Variants in JAG1 observed in about 807,000 individuals in gnomAD.
JAG1 encodes the protein jagged canonical Notch ligand 1.
Under a neutral mutation model 148.7 loss-of-function variants are expected in JAG1, and 23 were observed. That is an observed-to-expected ratio of 0.15 (90% confidence interval 0.11 to 0.22). JAG1 has a LOEUF of 0.22. Ranked by LOEUF, JAG1 falls within the 10% of genes least tolerant of loss-of-function variation. The pLI, the probability that JAG1 is intolerant of heterozygous loss-of-function variation, is 1.00. For synonymous variants in JAG1, 572 were observed against 598.3 expected (o/e 0.96, Z 0.64); for missense variants, 1,054 against 1,611.2 (o/e 0.65, Z 5.92).
chr20:10,646,847 AACAC>A, intron 14 of JAG1, 88 bp downstream of exon 14: 2 of 1,293,330 alleles, frequency 1.5e-6, no homozygotes, highest in Non-Finnish European at 2.2e-6. Context: ...AAAAACTTTC[AACAC>A]CAATGATCCC....
In JAG1 at chr20:10,672,832, C is replaced by A; in HGVS notation, c.256G>T (p.Val86Phe). 8.1e-6 allele frequency: 13 copies of A among 1,613,280 alleles called. No individual in the cohort carries two copies. Among genetic ancestry groups the A allele is most frequent in the Non-Finnish European group, 1.1e-5 (13 of 1,180,034 alleles). The change falls in exon 2 of 26, where the codon GTC becomes TTC. Residue 86 changes from valine to phenylalanine, a missense_variant. Val to Phe is a conservative substitution (Grantham distance 50, BLOSUM62 -1). Transcript: ENST00000254958. ...AAGCTGCAGGGCCCCCCGGCCGTGA[C>A]GCGGGACTGATACTCCTTGAGGCAC... is the stretch of plus-strand genomic sequence containing the variant. ...KVCLKEYQSR[V>F]TAGGPCSFGS...
intron 2 of JAG1, among the ~76,000 whole-genome samples, chr20:10,671,323 G>C (rs1446661147): frequency 3.9e-5 from 6 of 152,150 alleles, no homozygotes; most frequent in Non-Finnish European, 7.4e-5. Flanking sequence ...ACAGCCCTTG[G>C]ACCTCAAGAG....
chr20:10,646,420 T>G, intron 14 of JAG1: 1 of 384,058 alleles, frequency 2.6e-6, no homozygotes, highest in Non-Finnish European at 5.0e-6. Flanking sequence ...CAGAGTGATC[T>G]GGTAAATTGA....
chr20:10,666,683 T>C (rs1413209845), intron 2 of JAG1, among the ~76,000 whole-genome samples: 1 of 152,216 alleles, frequency 6.6e-6, no homozygotes, highest in Non-Finnish European at 1.5e-5. Context: ...AACAGATCTT[T>C]AGTCTGGATT....
intron 3 of JAG1, among the ~76,000 whole-genome samples, chr20:10,660,703 G>C (rs1168114442): frequency 6.6e-6 from 1 of 152,184 alleles, no homozygotes; most frequent in Non-Finnish European, 1.5e-5. Flanking sequence ...GCTCAGGGAG[G>C]GGGTCGAGCA....
At chr20:10,670,830 A>G (rs2067490092) in intron 2 of JAG1, among the ~76,000 whole-genome samples, 1 of 152,212 alleles carries the variant, frequency 6.6e-6, no homozygotes. Flanking sequence ...CTGAAACCAC[A>G]GAAGAGCACC....
intron 2 of JAG1, among the ~76,000 whole-genome samples, chr20:10,665,083 C>A (rs2122633845): frequency 6.6e-6 from 1 of 152,266 alleles, no homozygotes; most frequent in Non-Finnish European, 1.5e-5. Flanking sequence ...TGTCAGAAAC[C>A]AAGCCATAGG....
intron 5 of JAG1, among the ~76,000 whole-genome samples, chr20:10,654,713 G>T (rs1297497627): frequency 6.6e-6 from 1 of 152,170 alleles, no homozygotes; most frequent in Non-Finnish European, 1.5e-5. Context: ...AATGATGTGT[G>T]GGAAAGTCGC....
chr20:10,647,151 C>T (rs761932722), intron 13 of JAG1, 48 bp from the exon 14 acceptor site: 24 of 1,609,830 alleles, frequency 1.5e-5, no homozygotes, highest in Middle Eastern at 1.7e-4. Context: ...CCCACAGATG[C>T]GGCATTCCTA....
intron 2 of JAG1, among the ~76,000 whole-genome samples, chr20:10,670,523 T>A (rs921358113): frequency 3.3e-5 from 5 of 152,190 alleles, no homozygotes; most frequent in Non-Finnish European, 5.9e-5. Flanking sequence ...GCTCAGCTAC[T>A]TAAGTGTTTC....
rs113194138 is a variant in JAG1, at chr20:10,646,315, A to C, written c.1886-231T>G. On this transcript the variant is annotated intron_variant, in intron 14 of 25. Transcript: ENST00000254958. ...ACATGGGCATTTAGTCACCGGTACT[A>C]GGTGAAAGTGGGGAAGAAACTCCTA... The C allele has an allele frequency of 0.023, 12,112 of 531,186 alleles. 304 individuals are homozygous for C. Among genetic ancestry groups the C allele is most frequent in the Admixed American group, 0.097 (3,162 of 32,436 alleles). The allele number at this position is 531,186 out of a possible 1,614,324, so 32.9% of individuals were successfully genotyped here.
At chr20:10,664,205 C>T (rs2067436393) in intron 2 of JAG1, among the ~76,000 whole-genome samples, 191 bp from the exon 3 acceptor site, 1 of 152,168 alleles carries the variant, frequency 6.6e-6, no homozygotes, top group Non-Finnish European at 1.5e-5. Flanking sequence ...CAGCACTCTT[C>T]CCAGGTTGAC....
intron 11 of JAG1, 154 bp from the exon 12 acceptor site, chr20:10,648,876 ATG>A (rs1568796453): frequency 6.6e-6 from 6 of 911,260 alleles, no homozygotes. Context: ...AGGAATTTCT[ATG>A]TGCATGCCTT....
Position 10,649,535 on chromosome 20 carries a change from C to T in JAG1, c.1335G>A (p.Gln445=), listed in dbSNP as rs759545669. ...YCDCLPGWMG[Q]NCDININDCL... is the part of the protein sequence containing the mutation. ...AAAGTCACTCACTTATGTCACAATTCTGACCCATCCAGCCGGGAAGACAGT... is the reference window on the plus strand; with the variant it reads ...AAAGTCACTCACTTATGTCACAATTTTGACCCATCCAGCCGGGAAGACAGT... The change falls in exon 10 of 26, where the codon CAG becomes CAA. Residue 445 remains glutamine, a synonymous_variant. Transcript: ENST00000254958. 1.1e-5 allele frequency: 18 copies of T among 1,606,652 alleles called. No homozygotes were observed. In the African/African-American group the frequency reaches 1.5e-4, roughly 13 times the overall value.
Position 10,673,269 on chromosome 20 carries a change from A to G in JAG1, c.81+181T>C, listed in dbSNP as rs2067511238. On this transcript the variant is annotated intron_variant, in intron 1 of 25. Coordinates refer to ENST00000254958, the MANE Select transcript of JAG1 (RefSeq NM_000214.3). This position sits in a 1 kb window ranked among gnomAD's most constrained non-coding sequence, Gnocchi z 4.7. ...TGTCCGGCCTGGAGGGGTCACCCTC[A>G]GGAGGCAGGGGCTCCCGTGGGGGAG... Among the ~76,000 whole-genome samples the G allele has an allele frequency of 1.3e-5, 2 of 151,820 alleles. No individual in the cohort carries two copies. Among genetic ancestry groups the G allele is most frequent in the Admixed American group, 1.3e-4 (2 of 15,270 alleles).
chr20:10,639,259 T>G lies in JAG1; in HGVS notation c.*239A>C. ...GAGCCTGATCCGAGACCGTGTCGGCTGCAAGGGGACACACAACCAGGGTAC... is the reference window on the plus strand; with the variant it reads ...GAGCCTGATCCGAGACCGTGTCGGCGGCAAGGGGACACACAACCAGGGTAC... On this transcript the variant is annotated 3_prime_UTR_variant, in exon 26 of 26. Transcript: ENST00000254958. 1.8e-6 allele frequency: 1 copy of G among 564,270 alleles called. No homozygotes were observed. Among genetic ancestry groups the G allele is most frequent in the Non-Finnish European group, 3.2e-6 (1 of 308,034 alleles). 35.0% of individuals were successfully genotyped at this position (564,270 alleles called of 1,614,324 possible).
intron 13 of JAG1, 115 bp downstream of exon 13, chr20:10,647,845 T>C (rs1192121749): frequency 8.8e-6 from 10 of 1,130,958 alleles, no homozygotes; most frequent in South Asian, 6.5e-5. Flanking sequence ...CATTTCACTA[T>C]AGAGGTCCTC....
chr20:10,664,002 A>G lies in JAG1; in HGVS notation c.400T>C (p.Leu134=), dbSNP rs140511204. The change falls in exon 3 of 26, where the codon TTG becomes CTG. Residue 134 remains leucine (L), a synonymous_variant. Transcript: ENST00000254958. ...CTGGAATCCCACGCCTCCACAAGCA[A>G]CGTATAGGACCTCTGCAAGACAAAC... is the stretch of plus-strand genomic sequence containing the variant. The part of the protein sequence containing the change: ...FSFAWPRSYT[L]LVEAWDSSND... The G allele has an allele frequency of 7.4e-5, 120 of 1,613,714 alleles. 1 individual carries two copies. Among genetic ancestry groups the G allele is most frequent in the Non-Finnish European group, 9.1e-5 (107 of 1,179,706 alleles).
At chr20:10,647,280 T>G (rs1319403253) in intron 13 of JAG1, 177 bp from the exon 14 acceptor site, 2 of 693,278 alleles carry the variant, frequency 2.9e-6, no homozygotes, top group East Asian at 2.7e-5. Context: ...ACAGGCAAAG[T>G]TGAGACTCCA....
Sources: gnomAD v4.1 joint callset for allele counts (sites outside exome capture counted in the v4.1 genomes callset) on GRCh38, gnomAD v4.1.1 for gene constraint, Gnocchi (gnomAD v3.1) non-coding constraint, MANE v1.5 for transcripts, NCBI Gene and HGNC (gene_info 2026-07-23, HGNC 2026-07-21) for gene names.